EYA1: variants seen among roughly 807,000 people sequenced by gnomAD.
EYA1 encodes protein phosphatase EYA1.
EYA1 carries 16 observed loss-of-function variants against 82.0 expected under a neutral mutation model. That is an observed-to-expected ratio of 0.20 (90% CI 0.13 to 0.30). The LOEUF (loss-of-function observed/expected upper bound fraction) is 0.30, where lower values mean the gene tolerates loss of function less well. Among genes scored for constraint, EYA1 ranks in the 10% least tolerant of loss-of-function variants. The probability of loss-of-function intolerance (pLI) is 1.00; values close to 1 mark genes in which losing one functional copy is unlikely to be tolerated. For synonymous variants in EYA1, 261 were observed against 264.4 expected (o/e 0.99, Z 0.12); for missense variants, 633 against 730.7 (o/e 0.87, Z 1.54).
At chr8:71,286,176 A>G (rs1157184743) in intron 9 of EYA1, among the ~76,000 whole-genome samples, 1 of 152,196 alleles carries the variant, frequency 6.6e-6, no homozygotes, top group African/African-American at 2.4e-5. Flanking sequence ...AAACCTGCAC[A>G]TCCTGCACAT....
intron 4 of EYA1, among the ~76,000 whole-genome samples, chr8:71,330,173 C>T (rs934002099): frequency 1.3e-5 from 2 of 152,092 alleles, no homozygotes; most frequent in East Asian, 1.9e-4. Context: ...CCCGTAGAGC[C>T]GAATGGGAGC....
chr8:71,308,058 G>T (rs1218171778), intron 7 of EYA1, among the ~76,000 whole-genome samples: 1 of 152,138 alleles, frequency 6.6e-6, no homozygotes, highest in African/African-American at 2.4e-5. Flanking sequence ...GCTGAGGCAG[G>T]GTCCTCGTCT....
intron 9 of EYA1, among the ~76,000 whole-genome samples, chr8:71,298,644 G>T (rs1378019812): frequency 6.6e-6 from 1 of 152,102 alleles, no homozygotes; most frequent in African/African-American, 2.4e-5. Flanking sequence ...CTATCAGCAA[G>T]ATATTACTTT....
In EYA1 at chr8:71,495,615, AAAAT is replaced by A. The variant is rs199585054; in HGVS notation, c.33+40125_33+40128del. 5.7e-3 allele frequency among the ~76,000 whole-genome samples: 870 copies of A among 152,304 alleles called. 5 individuals carry two copies. Among genetic ancestry groups the A allele is most frequent in the South Asian group, 0.029 (138 of 4,820 alleles). ...CGACAGACCAAGACTCTGTCTCAAA[AAAAT>A]AAATAAATAAACAAAATTAAATTTA... On this transcript the variant is annotated intron_variant, in intron 2 of 18. Transcript: ENST00000643681.
rs190066753 is a variant in EYA1, at chr8:71,542,998, G to A, written c.-73+4866C>T. On this transcript the variant is annotated intron_variant, in intron 1 of 18. Coordinates refer to the EYA1 transcript ENST00000643681. ...TTTGCAGACATTTTTTTCCCATTCTGTAGATTGTCTGTTCACTCTGTTGAC... is the reference window on the plus strand; with the variant it reads ...TTTGCAGACATTTTTTTCCCATTCTATAGATTGTCTGTTCACTCTGTTGAC... Among the ~76,000 whole-genome samples, 3 of 152,000 alleles carry A rather than the reference G, an allele frequency of 2.0e-5. No individual in the cohort carries two copies. In the East Asian group the frequency reaches 5.8e-4, roughly 29 times the overall value.
chr8:71,221,478 A>T (rs1809911360), intron 12 of EYA1, among the ~76,000 whole-genome samples: 1 of 152,158 alleles, frequency 6.6e-6, no homozygotes, highest in African/African-American at 2.4e-5. Context: ...GAAGAGAGTA[A>T]TTTTTTGTTA....
intron 2 of EYA1, among the ~76,000 whole-genome samples, chr8:71,507,801 T>C (rs566627399): frequency 1.3e-5 from 2 of 152,288 alleles, no homozygotes; most frequent in South Asian, 4.1e-4. Flanking sequence ...GGAATAAGAA[T>C]ATGCATTTGT....
chr8:71,403,597 G>A (rs1830067239), intron 2 of EYA1: 1 of 152,102 alleles, frequency 6.6e-6, no homozygotes, highest in South Asian at 2.1e-4. Context: ...GCAAAAATGG[G>A]ATCTACTTGA....
intron 9 of EYA1, among the ~76,000 whole-genome samples, chr8:71,287,191 T>A (rs1194990878): frequency 6.6e-6 from 1 of 152,144 alleles, no homozygotes; most frequent in Non-Finnish European, 1.5e-5. Flanking sequence ...AGATTCTCAG[T>A]GACTATTACC....
At chr8:71,486,780 C>T (rs1810604235) in intron 2 of EYA1, among the ~76,000 whole-genome samples, 1 of 152,020 alleles carries the variant, frequency 6.6e-6, no homozygotes, top group African/African-American at 2.4e-5. Context: ...CAAACTCTCC[C>T]ACCAGGGAGT....
intron 2 of EYA1, among the ~76,000 whole-genome samples, chr8:71,482,463 A>G (rs56730538): frequency 0.042 from 6,422 of 152,280 alleles, 445 homozygotes; most frequent in African/African-American, 0.14. Context: ...GTTCAACCAC[A>G]TTGAAAAGCT....
intron 2 of EYA1, among the ~76,000 whole-genome samples, chr8:71,457,506 C>G (rs548642463): frequency 1.2e-4 from 19 of 152,260 alleles, no homozygotes; most frequent in African/African-American, 4.3e-4. Context: ...GACTTGGAAC[C>G]AACCCAAATG....
chr8:71,495,858 C>T (rs1811373465), intron 2 of EYA1, among the ~76,000 whole-genome samples: 1 of 152,140 alleles, frequency 6.6e-6, no homozygotes, highest in African/African-American at 2.4e-5. Flanking sequence ...CTCCCTTCTC[C>T]CACCATGAAA....
chr8:71,485,722 C>G (rs1278165901), intron 2 of EYA1, among the ~76,000 whole-genome samples: 1 of 151,748 alleles, frequency 6.6e-6, no homozygotes, highest in Non-Finnish European at 1.5e-5. Context: ...TTCTCTTAAT[C>G]CAATGTAAGT....
chr8:71,310,257 TG>T (rs2129014408), intron 7 of EYA1, among the ~76,000 whole-genome samples: 1 of 152,374 alleles, frequency 6.6e-6, no homozygotes, highest in Non-Finnish European at 1.5e-5. Flanking sequence ...GTCTTATTTA[TG>T]TTTTATATAT....
intron 2 of EYA1, among the ~76,000 whole-genome samples, chr8:71,533,510 G>A (rs1025886417): frequency 6.6e-6 from 1 of 152,200 alleles, no homozygotes; most frequent in African/African-American, 2.4e-5. Context: ...ACTGGTCCAG[G>A]ACTCTTTTCA....
intron 2 of EYA1, among the ~76,000 whole-genome samples, chr8:71,412,721 A>T (rs1041601616): frequency 6.6e-6 from 1 of 152,212 alleles, no homozygotes; most frequent in Non-Finnish European, 1.5e-5. Context: ...TGCTTTCCAC[A>T]TCCTACTTAA....
At chr8:71,532,914 A>G (rs1242103295) in intron 2 of EYA1, among the ~76,000 whole-genome samples, 1 of 152,260 alleles carries the variant, frequency 6.6e-6, no homozygotes, top group East Asian at 1.9e-4. Context: ...AAAAGAATAT[A>G]TCATGGACAC....
intron 7 of EYA1, among the ~76,000 whole-genome samples, chr8:71,314,471 G>A (rs1429771110): frequency 1.3e-5 from 2 of 152,104 alleles, no homozygotes; most frequent in Non-Finnish European, 2.9e-5. Flanking sequence ...ATTACAGGTT[G>A]AATATCCCTT....
Sources: allele counts gnomAD v4.1 joint callset (sites outside exome capture counted in the v4.1 genomes callset), GRCh38; gene constraint gnomAD v4.1.1; transcripts MANE v1.5; gene names NCBI Gene and HGNC (gene_info 2026-07-23, HGNC 2026-07-21).